ABCB1: variants seen among roughly 807,000 people sequenced by gnomAD.
The protein encoded by ABCB1 is ATP binding cassette subfamily B member 1, also known as ATP-dependent translocase ABCB1.
In ABCB1, 69 loss-of-function variants were observed where a neutral mutation model predicts 142.0. The observed-to-expected ratio is 0.49, with a 90% CI of 0.40 to 0.59. The LOEUF is 0.59. Among genes scored for constraint, ABCB1 ranks in the 20% least tolerant of loss-of-function variants. The pLI, the probability that ABCB1 is intolerant of heterozygous loss-of-function variation, is 0.00. For missense variants in ABCB1, 1,326 were observed against 1,554.7 expected, an observed-to-expected ratio of 0.85 and a Z score of 2.47; for synonymous variants, 532 against 539.2, an observed-to-expected ratio of 0.99 and a Z score of 0.18.
At chr7:87,599,343 A>G (rs1012414310) in intron 2 of ABCB1, among the ~76,000 whole-genome samples, 1 of 152,338 alleles carries the variant, frequency 6.6e-6, no homozygotes, top group African/African-American at 2.4e-5. Flanking sequence ...TTATATACAG[A>G]TATTTATTGC....
At chr7:87,521,453 C>A in intron 21 of ABCB1, 1 of 708,244 alleles carries the variant, frequency 1.4e-6, no homozygotes, top group Non-Finnish European at 2.6e-6. Context: ...TCTCTTTCCC[C>A]TGCCGTCATG....
intron 9 of ABCB1, among the ~76,000 whole-genome samples, 166 bp from the exon 10 acceptor site, chr7:87,551,004 C>T (rs1369164961): frequency 6.6e-6 from 1 of 152,030 alleles, no homozygotes; most frequent in Non-Finnish European, 1.5e-5. Context: ...ACTAACAGTA[C>T]ATTTAATTCC....
chr7:87,699,143 C>T (rs1420617983), intron 1 of ABCB1, among the ~76,000 whole-genome samples: 1 of 152,098 alleles, frequency 6.6e-6, no homozygotes, highest in Non-Finnish European at 1.5e-5. Context: ...ATGGTGCTTG[C>T]TGACAAGAAC....
chr7:87,511,027 C>T lies in ABCB1; in HGVS notation c.3283-1546G>A, dbSNP rs183659087. On this transcript the variant is annotated intron_variant, in intron 25 of 27. Coordinates refer to ENST00000622132, the MANE Select transcript of ABCB1 (RefSeq NM_001348946.2). ...TATACCCCTGGGAGGAAAACAGACA[C>T]TGCCTAACTAATATAATCACAGGCA... 4.0e-4 allele frequency among the ~76,000 whole-genome samples: 61 copies of T among 152,280 alleles called. 3 individuals carry two copies. The East Asian group carries it at 9.8e-3, about 25-fold the overall frequency.
chr7:87,548,351 G>A (rs530346771), intron 14 of ABCB1, among the ~76,000 whole-genome samples: 167 of 150,800 alleles, frequency 1.1e-3, no homozygotes, highest in Non-Finnish European at 1.7e-3. Context: ...AGGGATTGAG[G>A]GAGGGAGGGA....
chr7:87,521,922 C>A, intron 21 of ABCB1: 2 of 778,290 alleles, frequency 2.6e-6, no homozygotes, highest in Non-Finnish European at 4.6e-6. Context: ...TAACTTTTGA[C>A]GACCATGACT....
intron 25 of ABCB1, among the ~76,000 whole-genome samples, chr7:87,512,901 A>T (rs891899496): frequency 3.9e-5 from 6 of 152,240 alleles, no homozygotes; most frequent in African/African-American, 1.4e-4. Flanking sequence ...TGCACTCAGC[A>T]TTCATTTTCA....
intron 1 of ABCB1, among the ~76,000 whole-genome samples, chr7:87,689,679 G>A (rs533162379): frequency 5.3e-5 from 8 of 152,040 alleles, no homozygotes; most frequent in Non-Finnish European, 1.2e-4. Context: ...GTTCATTTTA[G>A]GAGGGTATCA....
At chr7:87,505,276 T>C (rs1814684486) in intron 27 of ABCB1, among the ~76,000 whole-genome samples, 1 of 152,184 alleles carries the variant, frequency 6.6e-6, no homozygotes, top group Admixed American at 6.5e-5. Flanking sequence ...CGGCCAGCAG[T>C]CATCTACTCT....
chr7:87,662,074 T>A (rs1160034474), intron 1 of ABCB1, among the ~76,000 whole-genome samples: 1 of 152,104 alleles, frequency 6.6e-6, no homozygotes, highest in Non-Finnish European at 1.5e-5. Flanking sequence ...TCTATTCTGA[T>A]CTTTTGCCCA....
At chr7:87,507,764 T>A (rs28401811) in intron 26 of ABCB1, among the ~76,000 whole-genome samples, 1 of 152,270 alleles carries the variant, frequency 6.6e-6, no homozygotes, top group African/African-American at 2.4e-5. Flanking sequence ...AGAGCATAAC[T>A]GGTGATAATG....
chr7:87,571,298 A>G (rs1818042938), intron 4 of ABCB1, among the ~76,000 whole-genome samples: 1 of 152,182 alleles, frequency 6.6e-6, no homozygotes, highest in Non-Finnish European at 1.5e-5. Flanking sequence ...ATGTAGCTGG[A>G]AAGATAATCT....
At chr7:87,691,288 C>G (rs1276494291) in intron 1 of ABCB1, among the ~76,000 whole-genome samples, 1 of 152,126 alleles carries the variant, frequency 6.6e-6, no homozygotes, top group Admixed American at 6.5e-5. Flanking sequence ...TGTCTGTCTT[C>G]AGTATTCAGT....
At chr7:87,708,708 T>C (rs1202875628) in intron 1 of ABCB1, among the ~76,000 whole-genome samples, 1 of 152,094 alleles carries the variant, frequency 6.6e-6, no homozygotes, top group Non-Finnish European at 1.5e-5. Flanking sequence ...GTGGAGTGTA[T>C]AGGTATTAAC....
chr7:87,703,537 AG>A, intron 1 of ABCB1, among the ~76,000 whole-genome samples: 1 of 152,174 alleles, frequency 6.6e-6, no homozygotes, highest in Non-Finnish European at 1.5e-5. Flanking sequence ...TCTTCAACCA[AG>A]GGGTTGTAGC....
chr7:87,556,595 G>C (rs1817321503), intron 8 of ABCB1, among the ~76,000 whole-genome samples: 1 of 152,096 alleles, frequency 6.6e-6, no homozygotes. Context: ...CCCAAATCTA[G>C]GTACCTGTCA....
chr7:87,626,010 A>G (rs1044534872), intron 1 of ABCB1, among the ~76,000 whole-genome samples: 3 of 123,188 alleles, frequency 2.4e-5, no homozygotes, highest in African/African-American at 1.1e-4. Flanking sequence ...GTATATGTAC[A>G]TATATATATA....
intron 27 of ABCB1, among the ~76,000 whole-genome samples, chr7:87,504,836 A>G (rs1046511783): frequency 1.3e-5 from 2 of 152,046 alleles, no homozygotes; most frequent in Non-Finnish European, 2.9e-5. Flanking sequence ...CTCCACAACA[A>G]TACAACAATA....
chr7:87,505,147 A>T (rs1018857003), intron 27 of ABCB1, among the ~76,000 whole-genome samples: 2 of 151,968 alleles, frequency 1.3e-5, no homozygotes, highest in Admixed American at 6.6e-5. Context: ...TATTTTTTGT[A>T]GAGACAATGT....
Sources: allele counts gnomAD v4.1 joint callset (sites outside exome capture counted in the v4.1 genomes callset), GRCh38; gene constraint gnomAD v4.1.1; transcripts MANE v1.5; gene names NCBI Gene and HGNC (gene_info 2026-07-23, HGNC 2026-07-21).